NCKAP1: variants seen among roughly 807,000 people sequenced by gnomAD.
The protein encoded by NCKAP1 is nck-associated protein 1.
In NCKAP1, 21 loss-of-function variants were observed where a neutral mutation model predicts 151.2. That is an observed-to-expected ratio of 0.14 (90% confidence interval 0.10 to 0.20). The LOEUF is 0.20. Among genes scored for constraint, NCKAP1 ranks in the 10% least tolerant of loss-of-function variants. The probability of loss-of-function intolerance (pLI) is 1.00; values close to 1 mark genes in which losing one functional copy is unlikely to be tolerated. For synonymous variants in NCKAP1, 484 were observed against 451.8 expected (o/e 1.07, Z -0.90); for missense variants, 933 against 1,352.1 (o/e 0.69, Z 4.86).
chr2:182,947,967 AT>A (rs1466777283), intron 23 of NCKAP1, among the ~76,000 whole-genome samples: 1 of 152,132 alleles, frequency 6.6e-6, no homozygotes, highest in East Asian at 1.9e-4. Flanking sequence ...GTTCTTAATA[AT>A]ACACAAGTAG....
chr2:182,935,487 A>T (rs1352802449), intron 24 of NCKAP1, 112 bp from the exon 25 acceptor site: 1 of 580,784 alleles, frequency 1.7e-6, no homozygotes, highest in African/African-American at 1.9e-5. Context: ...CCATGATAAA[A>T]GGCACAATTA....
chr2:182,928,260 A>C, intron 28 of NCKAP1, 34 bp from the exon 29 acceptor site: 1 of 1,427,280 alleles, frequency 7.0e-7, no homozygotes, highest in Non-Finnish European at 9.7e-7. Flanking sequence ...TGTAGACCCC[A>C]AAATAGCAAA....
At chr2:182,997,630 G>T (rs1420699865) in intron 6 of NCKAP1, among the ~76,000 whole-genome samples, 2 of 152,076 alleles carry the variant, frequency 1.3e-5, no homozygotes, top group African/African-American at 4.8e-5. Flanking sequence ...AATTTATTGA[G>T]ATTTGCTTTA....
intron 16 of NCKAP1, among the ~76,000 whole-genome samples, chr2:182,965,277 G>GAA (rs71008252): frequency 0.035 from 5,243 of 147,708 alleles, 118 homozygotes; most frequent in Non-Finnish European, 0.041. Context: ...GAACCACTAA[G>GAA]AAAAAAAAAA....
rs1361772190 is a variant in NCKAP1, at chr2:182,941,879, T to C, written c.2695+191A>G. ...AGACTAAGAGTATGGTTAAGAAAAA[T>C]TGTGAAACAGATAAGCCACACACAC... On this transcript the variant is annotated intron_variant, in intron 24 of 30. Coordinates refer to ENST00000361354, the MANE Select transcript of NCKAP1 (RefSeq NM_013436.5). Among the ~76,000 whole-genome samples the C allele has an allele frequency of 3.9e-5, 6 of 152,018 alleles. 1 individual carries two copies. Among genetic ancestry groups the C allele is most frequent in the Non-Finnish European group, 8.8e-5 (6 of 67,958 alleles).
At position 182,951,824 on chromosome 2, in the gene NCKAP1, G is replaced by A. The variant is rs979301122; in HGVS notation, c.2601+581C>T. 7.9e-5 allele frequency among the ~76,000 whole-genome samples: 12 copies of A among 151,984 alleles called. No individual in the cohort carries two copies. In the South Asian group the frequency reaches 8.3e-4, roughly 11 times the overall value. On this transcript the variant is annotated intron_variant, in intron 23 of 30. Coordinates refer to ENST00000361354, the MANE Select transcript of NCKAP1 (RefSeq NM_013436.5). ...ACATAGTTATTATATATACAGATTCGTTTAATATAAATCACCGTAGCTGTA... is the reference window on the plus strand; with the variant it reads ...ACATAGTTATTATATATACAGATTCATTTAATATAAATCACCGTAGCTGTA...
chr2:182,981,129 A>G, intron 13 of NCKAP1, 115 bp downstream of exon 13: 2 of 1,320,928 alleles, frequency 1.5e-6, no homozygotes, highest in South Asian at 1.4e-5. Flanking sequence ...AAATATAAAC[A>G]TGATTTATCA....
intron 2 of NCKAP1, among the ~76,000 whole-genome samples, chr2:183,021,650 G>T (rs1198546798): frequency 6.6e-6 from 1 of 152,044 alleles, no homozygotes; most frequent in Non-Finnish European, 1.5e-5. Flanking sequence ...CTACAACTTG[G>T]ATAAACCTTG....
At chr2:182,968,441 G>C (rs1697620758) in intron 15 of NCKAP1, among the ~76,000 whole-genome samples, 1 of 152,156 alleles carries the variant, frequency 6.6e-6, no homozygotes, top group Admixed American at 6.5e-5. Flanking sequence ...ACCTTGCTGG[G>C]TATGTCAAGA....
At chr2:183,029,416 T>C (rs988387507) in intron 1 of NCKAP1, among the ~76,000 whole-genome samples, 3 of 151,824 alleles carry the variant, frequency 2.0e-5, no homozygotes. Context: ...AGCTTAACTT[T>C]ACATGGTTAA....
chr2:182,999,725 ACAATAG>A (rs538969771), intron 6 of NCKAP1, among the ~76,000 whole-genome samples: 93 of 152,298 alleles, frequency 6.1e-4, no homozygotes, highest in Middle Eastern at 3.4e-3. Context: ...AGCTCTATTC[ACAATAG>A]CAAAGACATG....
chr2:183,004,304 G>T (rs1342555684), intron 2 of NCKAP1, among the ~76,000 whole-genome samples: 3 of 152,002 alleles, frequency 2.0e-5, no homozygotes, highest in Non-Finnish European at 2.9e-5. Flanking sequence ...TGCTATCAAA[G>T]CCCATACAAT....
At chr2:182,961,492 C>T (rs911725910) in intron 18 of NCKAP1, among the ~76,000 whole-genome samples, 13 of 152,100 alleles carry the variant, frequency 8.5e-5, no homozygotes, top group Non-Finnish European at 1.6e-4. Context: ...AAAAACCAAC[C>T]ACCACATGTT....
In NCKAP1 at chr2:183,024,473, T is replaced by C. The variant is rs537824432; in HGVS notation, c.109-557A>G. The stretch of plus-strand genomic sequence containing the variant: ...ATCTGAGTTACAACACTGTTTTCCA[T>C]CATACCAGCAGCACTTCAAACAATG... On this transcript the variant is annotated intron_variant, in intron 1 of 30. Coordinates refer to ENST00000361354, the MANE Select transcript of NCKAP1 (RefSeq NM_013436.5). Among the ~76,000 whole-genome samples the C allele has an allele frequency of 3.9e-5, 6 of 152,318 alleles. 1 individual carries two copies. The South Asian group carries it at 1.2e-3, about 32-fold the overall frequency.
At position 182,921,216 on chromosome 2, in the gene NCKAP1, ACT is replaced by A. The variant is rs1369233790; in HGVS notation, c.*4484_*4485del. On this transcript the variant is annotated 3_prime_UTR_variant, in exon 31 of 31. Transcript: ENST00000361354. ...ACCTGATACTGCTGAGAAATTAATG[ACT>A]CTGCACTGCATTAAATTTAAAAAAT... is the stretch of plus-strand genomic sequence containing the variant. 4 of 152,162 alleles carry A rather than the reference ACT, an allele frequency of 2.6e-5. No individual in the cohort carries two copies. The highest frequency in any genetic ancestry group is 5.9e-5 in the Non-Finnish European group (4 of 68,038). 9.4% of individuals were successfully genotyped at this position (152,162 alleles called of 1,614,324 possible). A position where few individuals can be genotyped will look rare whatever the true frequency, so the allele number is the denominator to read the frequency against.
chr2:182,952,395 A>T lies in NCKAP1; in HGVS notation c.2601+10T>A. On this transcript the variant is annotated intron_variant, in intron 23 of 30. Transcript: ENST00000361354. ...TGTTTAAAAGCTAAAATTAATAAAG[A>T]CTATATTACCTTAAGTTCAGCAACT... The T allele has an allele frequency of 6.5e-7, 1 of 1,541,002 alleles. No homozygotes were observed. Among genetic ancestry groups the T allele is most frequent in the Non-Finnish European group, 8.8e-7 (1 of 1,132,468 alleles).
chr2:182,929,542 C>G (rs1387324969), intron 27 of NCKAP1, among the ~76,000 whole-genome samples: 1 of 151,832 alleles, frequency 6.6e-6, no homozygotes, highest in Non-Finnish European at 1.5e-5. Flanking sequence ...CTTTCTAAAA[C>G]ATTTATTGTG....
At chr2:182,936,495 T>C (rs1026310618) in intron 24 of NCKAP1, among the ~76,000 whole-genome samples, 2 of 152,118 alleles carry the variant, frequency 1.3e-5, no homozygotes, top group African/African-American at 4.8e-5. Context: ...AAAAAAGATA[T>C]ATATACAGAC....
intron 20 of NCKAP1, among the ~76,000 whole-genome samples, chr2:182,954,762 G>C (rs1490911044): frequency 6.6e-6 from 1 of 151,860 alleles, no homozygotes; most frequent in African/African-American, 2.4e-5. Flanking sequence ...CTCCAGCCTG[G>C]ACGAAAGAAC....
Sources: allele counts gnomAD v4.1 joint callset (sites outside exome capture counted in the v4.1 genomes callset), GRCh38; gene constraint gnomAD v4.1.1; transcripts MANE v1.5; gene names NCBI Gene and HGNC (gene_info 2026-07-23, HGNC 2026-07-21).